The following SGMS1 variants were observed in gnomAD, a reference collection of about 807,000 sequenced individuals.
SGMS1 encodes the protein sphingomyelin synthase 1.
A neutral mutation model predicts 46.2 loss-of-function variants in SGMS1; 13 were observed. The observed-to-expected ratio is 0.28, with a 90% CI of 0.18 to 0.45. SGMS1 has a LOEUF of 0.45. Ranked by LOEUF, SGMS1 falls within the 20% of genes least tolerant of loss-of-function variation. SGMS1 has a pLI of 1.00. For missense variants in SGMS1, 324 were observed against 519.9 expected (o/e 0.62, Z 3.66); for synonymous variants, 203 against 187.8 (o/e 1.08, Z -0.66).
At chr10:50,335,560 G>A (rs1028958679) in intron 7 of SGMS1, 26 of 152,244 alleles carry the variant, frequency 1.7e-4, no homozygotes, top group African/African-American at 6.0e-4. Context: ...TGATCTTCCA[G>A]TGTAAGACTG....
At chr10:50,599,752 A>G (rs1838631819) in intron 1 of SGMS1, among the ~76,000 whole-genome samples, 1 of 152,140 alleles carries the variant, frequency 6.6e-6, no homozygotes, top group Non-Finnish European at 1.5e-5. Context: ...AATCCCAGCT[A>G]CTCAAGAGGC....
intron 6 of SGMS1, among the ~76,000 whole-genome samples, chr10:50,378,929 G>T (rs1833828587): frequency 6.6e-6 from 1 of 152,068 alleles, no homozygotes; most frequent in African/African-American, 2.4e-5. Flanking sequence ...ATATCGTATT[G>T]AACATCTACT....
At chr10:50,468,735 CA>C (rs1837353294) in intron 3 of SGMS1, among the ~76,000 whole-genome samples, 1 of 152,174 alleles carries the variant, frequency 6.6e-6, no homozygotes, top group Non-Finnish European at 1.5e-5. Flanking sequence ...TTTCAAAAAG[CA>C]GGGGCCAAAA....
chr10:50,405,629 T>C lies in SGMS1; in HGVS notation c.-232+27847A>G, dbSNP rs570105129. 2.6e-5 allele frequency among the ~76,000 whole-genome samples: 4 copies of C among 152,240 alleles called. No individual in the cohort carries two copies. In the South Asian group the frequency reaches 6.2e-4, roughly 24 times the overall value. On this transcript the variant is annotated intron_variant, in intron 6 of 10. Transcript: ENST00000361781. Reference sequence around the variant, plus strand: ...AGCAGTAAAGAAACACCCTCACAAATGAAAGAAAAATCCTACCATGTACAA... The same window carrying C: ...AGCAGTAAAGAAACACCCTCACAAACGAAAGAAAAATCCTACCATGTACAA...
intron 6 of SGMS1, among the ~76,000 whole-genome samples, chr10:50,394,692 A>G (rs2133518599): frequency 6.6e-6 from 1 of 152,366 alleles, no homozygotes; most frequent in Non-Finnish European, 1.5e-5. Context: ...TTTTGTTTTA[A>G]TTCATCTAAC....
rs1463353749 is a variant in SGMS1 at position 50,306,967 on chromosome 10, G to A, written c.*175C>T. On this transcript the variant is annotated 3_prime_UTR_variant, in exon 11 of 11. Transcript: ENST00000361781. ...AAATTTTTCTTTATTGTTGTCCAAC[G>A]CAGGTCCTTTGGAGAGAAAAAAAGA... 4.9e-6 allele frequency: 3 copies of A among 611,868 alleles called. No individual in the cohort carries two copies. The highest frequency in any genetic ancestry group is 2.8e-5 in the East Asian group (1 of 35,786). 37.9% of individuals were successfully genotyped at this position (611,868 alleles called of 1,614,324 possible). A position where few individuals can be genotyped will look rare whatever the true frequency, so the allele number is the denominator to read the frequency against.
chr10:50,566,698 T>C (rs1158543701), intron 2 of SGMS1, among the ~76,000 whole-genome samples: 1 of 152,220 alleles, frequency 6.6e-6, no homozygotes, highest in Middle Eastern at 3.2e-3. Flanking sequence ...GTGAGCATTC[T>C]GAGTTATACA....
chr10:50,586,801 G>A (rs966512787), intron 2 of SGMS1, among the ~76,000 whole-genome samples: 4 of 152,192 alleles, frequency 2.6e-5, no homozygotes, highest in Non-Finnish European at 4.4e-5. Flanking sequence ...GCACAACCTG[G>A]TACTATTTCC....
intron 6 of SGMS1, among the ~76,000 whole-genome samples, chr10:50,373,760 T>C (rs1438684705): frequency 6.6e-6 from 1 of 152,116 alleles, no homozygotes; most frequent in Non-Finnish European, 1.5e-5. Flanking sequence ...GAGGTAAAAA[T>C]CTAGCACCTA....
At chr10:50,314,782 G>A (rs1482073139) in intron 8 of SGMS1, among the ~76,000 whole-genome samples, 1 of 152,094 alleles carries the variant, frequency 6.6e-6, no homozygotes, top group East Asian at 1.9e-4. Flanking sequence ...TAAGCTGGAT[G>A]TGGTGGCATG....
At chr10:50,406,453 T>G (rs1401637442) in intron 6 of SGMS1, among the ~76,000 whole-genome samples, 5 of 152,090 alleles carry the variant, frequency 3.3e-5, no homozygotes, top group African/African-American at 1.2e-4. Flanking sequence ...GGAAGGCAGA[T>G]TTTTAGTAAG....
At chr10:50,385,940 T>C (rs1019454589) in intron 6 of SGMS1, among the ~76,000 whole-genome samples, 1 of 152,120 alleles carries the variant, frequency 6.6e-6, no homozygotes, top group Non-Finnish European at 1.5e-5. Flanking sequence ...AAAACTACTA[T>C]CCTCTGCTTG....
chr10:50,401,542 A>T (rs1055891365), intron 6 of SGMS1, among the ~76,000 whole-genome samples: 2 of 152,118 alleles, frequency 1.3e-5, no homozygotes, highest in Admixed American at 1.3e-4. Context: ...CTCTAGTTTG[A>T]TTCTCAGGTG....
intron 2 of SGMS1, among the ~76,000 whole-genome samples, chr10:50,588,667 G>A (rs1838509352): frequency 6.7e-6 from 1 of 148,976 alleles, no homozygotes; most frequent in Non-Finnish European, 1.5e-5. Context: ...ATAAGTTTAG[G>A]TTTAAAAAAT....
chr10:50,509,777 A>G (rs1400094132), intron 3 of SGMS1, among the ~76,000 whole-genome samples: 2 of 152,242 alleles, frequency 1.3e-5, no homozygotes, highest in Non-Finnish European at 2.9e-5. Flanking sequence ...GGCATTCTGT[A>G]TAACTAATGA....
At chr10:50,309,969 GT>G (rs1847229855) in intron 9 of SGMS1, among the ~76,000 whole-genome samples, 1 of 152,108 alleles carries the variant, frequency 6.6e-6, no homozygotes, top group Non-Finnish European at 1.5e-5. Context: ...CCGGTCTCCA[GT>G]TTGGTCCCCC....
intron 5 of SGMS1, among the ~76,000 whole-genome samples, chr10:50,451,809 G>A (rs188359238): frequency 1.3e-5 from 2 of 152,262 alleles, no homozygotes; most frequent in Non-Finnish European, 2.9e-5. Context: ...CAGCTGAACT[G>A]CAGATCTGCA....
chr10:50,542,520 T>G (rs1351387375), intron 2 of SGMS1, among the ~76,000 whole-genome samples: 1 of 150,484 alleles, frequency 6.6e-6, no homozygotes, highest in Non-Finnish European at 1.5e-5. Flanking sequence ...TAAAAAAAAG[T>G]GGTTAAGAGA....
At chr10:50,609,333 T>A (rs1006885428) in intron 1 of SGMS1, among the ~76,000 whole-genome samples, 1 of 152,170 alleles carries the variant, frequency 6.6e-6, no homozygotes, top group Non-Finnish European at 1.5e-5. Context: ...ATCTATGTGA[T>A]TGAATCTGTG....
Sources: allele counts gnomAD v4.1 joint callset (sites outside exome capture counted in the v4.1 genomes callset), GRCh38; gene constraint gnomAD v4.1.1; transcripts MANE v1.5; gene names NCBI Gene and HGNC (gene_info 2026-07-23, HGNC 2026-07-21).